The following TMEM132D variants were observed in gnomAD, a reference collection of about 807,000 sequenced individuals.
The protein encoded by TMEM132D is transmembrane protein 132D.
In TMEM132D, 21 loss-of-function variants were observed where a neutral mutation model predicts 62.3. The ratio of observed to expected loss-of-function variants is 0.34; its 90% CI spans 0.24 to 0.49. The LOEUF is 0.49. Among genes scored for constraint, TMEM132D ranks in the 20% least tolerant of loss-of-function variants. The pLI, the probability that TMEM132D is intolerant of heterozygous loss-of-function variation, is 0.99. For synonymous variants in TMEM132D, 621 were observed against 575.6 expected (o/e 1.08, Z -1.13); for missense variants, 1,346 against 1,402.8 (o/e 0.96, Z 0.65).
chr12:129,610,377 C>A (rs993269671), intron 2 of TMEM132D, among the ~76,000 whole-genome samples: 6 of 151,988 alleles, frequency 3.9e-5, no homozygotes, highest in African/African-American at 1.5e-4. Context: ...CTATCTTAAA[C>A]CCTGTACCCC....
At position 129,515,609 on chromosome 12, in the gene TMEM132D, G is replaced by A. The variant is rs187783068; in HGVS notation, c.1115+15450C>T. On this transcript the variant is annotated intron_variant, in intron 3 of 8. Transcript: ENST00000422113. ...CTCCTCCCATTCTCCCCTGAGCCAC[G>A]GTCATAAAGGAATTCTCTGACCTAC... 4.4e-4 allele frequency among the ~76,000 whole-genome samples: 67 copies of A among 152,212 alleles called. 1 individual carries two copies. Among genetic ancestry groups the A allele is most frequent in the Admixed American group, 1.6e-3 (24 of 15,294 alleles).
intron 1 of TMEM132D, among the ~76,000 whole-genome samples, chr12:129,711,728 C>CAA (rs1333520514): frequency 0.02 from 907 of 45,368 alleles, 23 homozygotes; most frequent in African/African-American, 0.043. Flanking sequence ...ATTCCATCTC[C>CAA]AAAAAAAAAA....
At chr12:129,356,656 AT>A (rs66637403) in intron 3 of TMEM132D, among the ~76,000 whole-genome samples, 18,275 of 142,598 alleles carry the variant, frequency 0.13, 1,751 homozygotes, top group Non-Finnish European at 0.17. Context: ...TGTCTCTACA[AT>A]AAATAAATAA....
In TMEM132D at chr12:129,147,290, AT is replaced by A. The variant is rs768820474; in HGVS notation, c.1443+62229del. Among the ~76,000 whole-genome samples, 32 of 150,196 alleles carry A rather than the reference AT, an allele frequency of 2.1e-4. No homozygotes were observed. In the East Asian group the frequency reaches 2.1e-3, roughly 10 times the overall value. ...TGCATATGTATATATATACATGTGCATATGTATATATATACATATGTGTATA... is the reference window on the plus strand; with the variant it reads ...TGCATATGTATATATATACATGTGCAATGTATATATATACATATGTGTATA... On this transcript the variant is annotated intron_variant, in intron 5 of 8. Coordinates refer to ENST00000422113, the MANE Select transcript of TMEM132D (RefSeq NM_133448.3).
At chr12:129,502,596 C>G (rs1458620749) in intron 3 of TMEM132D, among the ~76,000 whole-genome samples, 1 of 151,870 alleles carries the variant, frequency 6.6e-6, no homozygotes, top group East Asian at 1.9e-4. Flanking sequence ...TTTGTCTTTC[C>G]TCTGTGAGTA....
At chr12:129,860,140 C>T (rs1422761083) in intron 1 of TMEM132D, among the ~76,000 whole-genome samples, 4 of 152,184 alleles carry the variant, frequency 2.6e-5, no homozygotes, top group Non-Finnish European at 4.4e-5. Flanking sequence ...GACACGCACA[C>T]CCTAGACTAA....
chr12:129,269,805 C>T (rs55811510), intron 4 of TMEM132D, among the ~76,000 whole-genome samples: 13,936 of 152,198 alleles, frequency 0.092, 801 homozygotes, highest in Admixed American at 0.18. Context: ...TTCCTCAGAG[C>T]AGAGGCTGGA....
intron 5 of TMEM132D, among the ~76,000 whole-genome samples, chr12:129,101,314 C>T (rs111348433): frequency 1.2e-4 from 19 of 152,298 alleles, no homozygotes; most frequent in African/African-American, 4.3e-4. Flanking sequence ...TATAAACGCT[C>T]GTGATTTCAT....
chr12:129,736,084 C>G (rs1165058228), intron 1 of TMEM132D, among the ~76,000 whole-genome samples: 2 of 152,112 alleles, frequency 1.3e-5, no homozygotes, highest in Non-Finnish European at 2.9e-5. Context: ...TCTCGCCCAT[C>G]TCCAGATATC....
chr12:129,509,298 T>C (rs1386545102), intron 3 of TMEM132D, among the ~76,000 whole-genome samples: 1 of 152,186 alleles, frequency 6.6e-6, no homozygotes, highest in African/African-American at 2.4e-5. Context: ...ATTAAATTTA[T>C]TGAATCACAA....
chr12:129,383,846 C>G (rs79939951), intron 3 of TMEM132D, among the ~76,000 whole-genome samples: 1,682 of 152,232 alleles, frequency 0.011, 32 homozygotes, highest in African/African-American at 0.038. Flanking sequence ...TACAGAAGAC[C>G]GGGTCCCAAA....
At chr12:129,252,449 T>C (rs1880293622) in intron 4 of TMEM132D, among the ~76,000 whole-genome samples, 2 of 152,250 alleles carry the variant, frequency 1.3e-5, no homozygotes, top group South Asian at 4.2e-4. Flanking sequence ...AGAATCCAGA[T>C]CACTAGCTGG....
intron 2 of TMEM132D, among the ~76,000 whole-genome samples, chr12:129,556,461 T>C (rs1291683034): frequency 2.7e-5 from 4 of 150,782 alleles, no homozygotes; most frequent in Admixed American, 6.6e-5. Flanking sequence ...GGCAATGGGG[T>C]GGAGCTTTTT....
At position 129,679,978 on chromosome 12, in the gene TMEM132D, G is replaced by C. The variant is rs139111039; in HGVS notation, c.968+19832C>G. Among the ~76,000 whole-genome samples the C allele has an allele frequency of 4.4e-3, 677 of 152,150 alleles. 5 individuals are homozygous for C. Among genetic ancestry groups the C allele is most frequent in the African/African-American group, 0.015 (604 of 41,500 alleles). ...CTGCTCAGAATTTCTTTTTATGCTG[G>C]TATAATGTGTATAAATTGCACTTGT... On this transcript the variant is annotated intron_variant, in intron 2 of 8. Transcript: ENST00000422113.
At chr12:129,584,143 GT>G in intron 2 of TMEM132D, among the ~76,000 whole-genome samples, 2 of 152,078 alleles carry the variant, frequency 1.3e-5, no homozygotes, top group Middle Eastern at 3.4e-3. Context: ...GATTGCTATA[GT>G]TTTTGCTGAA....
At chr12:129,817,936 AGTGT>A (rs961659948) in intron 1 of TMEM132D, among the ~76,000 whole-genome samples, 2 of 71,510 alleles carry the variant, frequency 2.8e-5, no homozygotes, top group African/African-American at 1.0e-4. Flanking sequence ...TGTGGTTTGG[AGTGT>A]GTGTGTGTGG....
intron 2 of TMEM132D, among the ~76,000 whole-genome samples, chr12:129,618,530 A>G (rs1228492851): frequency 6.6e-6 from 1 of 152,218 alleles, no homozygotes. Flanking sequence ...TGTAGACTAT[A>G]TGTTCTCTTA....
At chr12:129,156,131 C>T (rs902016318) in intron 5 of TMEM132D, among the ~76,000 whole-genome samples, 1 of 152,070 alleles carries the variant, frequency 6.6e-6, no homozygotes, top group African/African-American at 2.4e-5. Context: ...ATAACCAACT[C>T]ACTCCAAAGA....
chr12:129,706,509 T>G (rs568877183), intron 1 of TMEM132D, among the ~76,000 whole-genome samples: 4 of 152,098 alleles, frequency 2.6e-5, no homozygotes, highest in South Asian at 4.1e-4. Context: ...CTCTTAAAAT[T>G]ACAAGTAGAA....
Sources: allele counts gnomAD v4.1 joint callset (sites outside exome capture counted in the v4.1 genomes callset), GRCh38; gene constraint gnomAD v4.1.1; transcripts MANE v1.5; gene names NCBI Gene and HGNC (gene_info 2026-07-23, HGNC 2026-07-21).